Variants in NRDE2 observed in about 807,000 individuals in gnomAD.
NRDE2 encodes the protein NRDE-2, necessary for RNA interference, domain containing.
NRDE2 carries 76 observed loss-of-function variants against 124.2 expected under a neutral mutation model. The observed-to-expected ratio is 0.61, with a 90% confidence interval of 0.51 to 0.74. The LOEUF (loss-of-function observed/expected upper bound fraction) is 0.74. Among genes scored for constraint, NRDE2 ranks in the 30% least tolerant of loss-of-function variants. The pLI, the probability that NRDE2 is intolerant of heterozygous loss-of-function variation, is 0.00. For missense variants in NRDE2, 1,314 were observed against 1,417.3 expected (o/e 0.93, Z 1.17); for synonymous variants, 489 against 528.1 (o/e 0.93, Z 1.01).
intron 9 of NRDE2, 142 bp downstream of exon 9, chr14:90,292,555 C>G (rs1245279344): frequency 3.6e-6 from 3 of 823,832 alleles, no homozygotes; most frequent in East Asian, 2.6e-5. Flanking sequence ...CAGATGAGAA[C>G]AGGAGCAGGT....
At chr14:90,314,302 T>G (rs555671338) in intron 3 of NRDE2, among the ~76,000 whole-genome samples, 20 of 152,362 alleles carry the variant, frequency 1.3e-4, no homozygotes, top group African/African-American at 4.8e-4. Flanking sequence ...ACTCTCACAA[T>G]TCACTAATAT....
chr14:90,291,381 T>C (rs61986783), intron 9 of NRDE2, among the ~76,000 whole-genome samples: 12,281 of 152,244 alleles, frequency 0.081, 728 homozygotes, highest in South Asian at 0.18. Context: ...CTCTTTATGT[T>C]AAAAATAAAT....
rs1891821270 is a variant in NRDE2, at chr14:90,277,099, A to C, written c.*1237T>G. 2.0e-5 allele frequency: 3 copies of C among 152,196 alleles called. No individual in the cohort carries two copies. 9.4% of individuals were successfully genotyped at this position (152,196 alleles called of 1,614,324 possible). ...AGCAGCTGACGACCTGTCTGTCGCT[A>C]AGGAACACCCGGTGGGCTTCTGCCT... On this transcript the variant is annotated 3_prime_UTR_variant, in exon 14 of 14. Transcript: ENST00000354366.
At chr14:90,290,123 T>C (rs896060681) in intron 10 of NRDE2, 98 bp downstream of exon 10, 6 of 1,307,538 alleles carry the variant, frequency 4.6e-6, no homozygotes, top group African/African-American at 2.9e-5. Context: ...TGCTGGGGCA[T>C]AGTTCCAGGG....
At position 90,288,110 on chromosome 14, in the gene NRDE2, C is replaced by T. The variant is rs185775273; in HGVS notation, c.3158+107G>A. 5.7e-5 allele frequency: 58 copies of T among 1,023,570 alleles called. No individual in the cohort carries two copies. In the African/African-American group the frequency reaches 6.4e-4, roughly 11 times the overall value. The allele number at this position is 1,023,570 out of a possible 1,614,324, so 63.4% of individuals were successfully genotyped here. A position where few individuals can be genotyped will look rare whatever the true frequency, so the allele number is the denominator to read the frequency against. ...GCCCCACGGCAGGTGTTCTGGGCAC[C>T]GTGCCATGTTCATCCCTGTCTTCCT... On this transcript the variant is annotated intron_variant, in intron 11 of 13. Transcript: ENST00000354366.
chr14:90,289,738 C>T (rs1434238407), intron 10 of NRDE2, among the ~76,000 whole-genome samples: 1 of 152,214 alleles, frequency 6.6e-6, no homozygotes, highest in Admixed American at 6.5e-5. Flanking sequence ...CAGGCACACG[C>T]CACAACGCCC....
chr14:90,324,427 G>A (rs564857883), intron 1 of NRDE2, among the ~76,000 whole-genome samples: 25 of 152,244 alleles, frequency 1.6e-4, no homozygotes, highest in African/African-American at 5.3e-4. Context: ...TGCAATCCCA[G>A]CACTTTGGGA....
chr14:90,285,394 C>T (rs1036929294), intron 12 of NRDE2, among the ~76,000 whole-genome samples: 1 of 149,388 alleles, frequency 6.7e-6, no homozygotes, highest in South Asian at 2.2e-4. Context: ...CTCTGCCTCC[C>T]GCGTTCCAGC....
chr14:90,284,429 A>G (rs1001666508), intron 12 of NRDE2, among the ~76,000 whole-genome samples: 5 of 151,522 alleles, frequency 3.3e-5, no homozygotes, highest in Non-Finnish European at 5.9e-5. Flanking sequence ...GCTCACTGCA[A>G]ACTCCGCCTG....
At chr14:90,295,184 G>A (rs1884097832) in intron 8 of NRDE2, among the ~76,000 whole-genome samples, 1 of 152,148 alleles carries the variant, frequency 6.6e-6, no homozygotes, top group Non-Finnish European at 1.5e-5. Flanking sequence ...TACTACCACT[G>A]GAAGGAACTG....
chr14:90,307,455 G>T (rs1884650359), intron 4 of NRDE2, among the ~76,000 whole-genome samples: 1 of 152,076 alleles, frequency 6.6e-6, no homozygotes, highest in African/African-American at 2.4e-5. Context: ...GCCAGGCGTG[G>T]TGGCTCACAT....
chr14:90,283,001 T>C (rs1891997448), intron 12 of NRDE2, among the ~76,000 whole-genome samples: 1 of 152,198 alleles, frequency 6.6e-6, no homozygotes, highest in Non-Finnish European at 1.5e-5. Context: ...CAAGCACGTA[T>C]ATGCACATGT....
chr14:90,284,390 C>T (rs142598011), intron 12 of NRDE2, among the ~76,000 whole-genome samples: 1 of 148,744 alleles, frequency 6.7e-6, no homozygotes, highest in African/African-American at 2.5e-5. Flanking sequence ...ACTCTGTTAA[C>T]CAGGCAGGAG....
In NRDE2 at chr14:90,304,024, C is replaced by T; in HGVS notation, c.916G>A (p.Ala306Thr). Residue 306 changes from alanine (A) to threonine (T), a missense_variant, in exon 5 of 14, where the codon GCT becomes ACT. Coordinates refer to ENST00000354366, the MANE Select transcript of NRDE2 (RefSeq NM_017970.4). ...AACTCCTCCACCTTGGCCTTGAGAG[C>T]CGCACTCTCGCTGTCTGGCTGTGCG... The part of the protein sequence containing the change: ...PDAQPDSESA[A>T]LKAKVEEFNR... The T allele has an allele frequency of 6.2e-7, 1 of 1,614,050 alleles. No individual in the cohort carries two copies. Among genetic ancestry groups the T allele is most frequent in the Non-Finnish European group, 8.5e-7 (1 of 1,179,924 alleles).
chr14:90,278,040 A>G lies in NRDE2; in HGVS notation c.*296T>C. 3.7e-6 allele frequency: 1 copy of G among 273,000 alleles called. No homozygotes were observed. The highest frequency in any genetic ancestry group is 7.3e-6 in the Non-Finnish European group (1 of 136,290). 16.9% of individuals were successfully genotyped at this position (273,000 alleles called of 1,614,324 possible). A position where few individuals can be genotyped will look rare whatever the true frequency, so the allele number is the denominator to read the frequency against. The stretch of plus-strand genomic sequence containing the variant: ...GCTGGCTGCGCACAGGGAGAGAATG[A>G]GCAAGGACGCTGCCACGCCTCAATC... On this transcript the variant is annotated 3_prime_UTR_variant, in exon 14 of 14. Coordinates refer to ENST00000354366, the MANE Select transcript of NRDE2 (RefSeq NM_017970.4).
At chr14:90,281,561 G>C (rs1891954950) in intron 12 of NRDE2, 7 of 152,214 alleles carry the variant, frequency 4.6e-5, no homozygotes, top group Admixed American at 4.6e-4. Context: ...CCTCCGTGTA[G>C]AGAAGCTATT....
intron 7 of NRDE2, among the ~76,000 whole-genome samples, chr14:90,299,086 C>T (rs902814341): frequency 1.7e-4 from 26 of 152,228 alleles, no homozygotes; most frequent in Admixed American, 3.3e-4. Context: ...GCTCTTGTTG[C>T]CCAGGCTGGA....
chr14:90,269,682 A>C lies in NRDE2; in HGVS notation c.*8654T>G. The C allele has an allele frequency of 1.0e-6, 1 of 986,188 alleles. No individual in the cohort carries two copies. The allele number at this position is 986,188 out of a possible 1,614,324, so 61.1% of individuals were successfully genotyped here. A position where few individuals can be genotyped will look rare whatever the true frequency, so the allele number is the denominator to read the frequency against. On this transcript the variant is annotated 3_prime_UTR_variant, in exon 14 of 14. Coordinates refer to ENST00000354366, the MANE Select transcript of NRDE2 (RefSeq NM_017970.4). ...TGAAACTTAGGATAATTTACAAAAA[A>C]ATAGGTCCTCTTGAGATGAGGGTTA...
At position 90,278,006 on chromosome 14, in the gene NRDE2, G is replaced by C. The variant is rs1360008958; in HGVS notation, c.*330C>G. 4.8e-6 allele frequency: 1 copy of C among 209,510 alleles called. No individual in the cohort carries two copies. Among genetic ancestry groups the C allele is most frequent in the Non-Finnish European group, 9.9e-6 (1 of 101,048 alleles). The allele number at this position is 209,510 out of a possible 1,614,324, so 13.0% of individuals were successfully genotyped here. Reference sequence around the variant, plus strand: ...GCGGAGGGAACACATTCACCGTGCGGGGGCCAGTGCTGGCTGCGCACAGGG... The same window carrying C: ...GCGGAGGGAACACATTCACCGTGCGCGGGCCAGTGCTGGCTGCGCACAGGG... On this transcript the variant is annotated 3_prime_UTR_variant, in exon 14 of 14. Transcript: ENST00000354366.
Sources: gnomAD v4.1 joint callset for allele counts (sites outside exome capture counted in the v4.1 genomes callset) on GRCh38, gnomAD v4.1.1 for gene constraint, MANE v1.5 for transcripts, NCBI Gene and HGNC (gene_info 2026-07-23, HGNC 2026-07-21) for gene names.